TASP1: variants seen among roughly 807,000 people sequenced by gnomAD.
TASP1 encodes the protein threonine aspartase 1.
A neutral mutation model predicts 56.6 loss-of-function variants in TASP1; 16 were observed. The observed-to-expected ratio is 0.28, with a 90% confidence interval of 0.19 to 0.43. TASP1 has a LOEUF of 0.43. TASP1 is among the 20% of genes least tolerant of loss of function. The pLI is 1.00. For synonymous variants in TASP1, 179 were observed against 184.2 expected, an observed-to-expected ratio of 0.97 and a Z score of 0.23; for missense variants, 393 against 511.6, an observed-to-expected ratio of 0.77 and a Z score of 2.24.
intron 13 of TASP1, among the ~76,000 whole-genome samples, chr20:13,394,226 G>A (rs2041417373): frequency 6.9e-6 from 1 of 144,228 alleles, no homozygotes; most frequent in Non-Finnish European, 1.5e-5. Flanking sequence ...AGAGGTTGCA[G>A]TGAGCCAACC....
the TASP1 span, among the ~76,000 whole-genome samples, chr20:13,282,617 G>A: frequency 6.6e-6 from 1 of 152,092 alleles, no homozygotes; most frequent in Non-Finnish European, 1.5e-5. Flanking sequence ...GCATGCCTGG[G>A]CCATGGAGAA....
chr20:13,185,964 C>G, the TASP1 span, among the ~76,000 whole-genome samples: 1 of 152,134 alleles, frequency 6.6e-6, no homozygotes, highest in South Asian at 2.1e-4. Context: ...CAAACTGTGA[C>G]TCCAAAATCT....
At chr20:13,508,727 G>C (rs1262934692) in intron 10 of TASP1, among the ~76,000 whole-genome samples, 2 of 152,106 alleles carry the variant, frequency 1.3e-5, no homozygotes, top group African/African-American at 4.8e-5. Context: ...CCAATAGGTA[G>C]TTATATGAAA....
chr20:13,389,041 G>GA (rs2041187347), downstream of TASP1, among the ~76,000 whole-genome samples: 1 of 151,858 alleles, frequency 6.6e-6, no homozygotes, highest in South Asian at 2.1e-4. Context: ...AAAAAAAAAA[G>GA]AAAAAATCAA....
At chr20:13,287,649 G>T in the TASP1 span, among the ~76,000 whole-genome samples, 1 of 152,042 alleles carries the variant, frequency 6.6e-6, no homozygotes, top group Non-Finnish European at 1.5e-5. Context: ...TTCCTCCAAG[G>T]CAAGGATCTT....
intron 13 of TASP1, among the ~76,000 whole-genome samples, chr20:13,407,542 T>C (rs2041966717): frequency 6.6e-6 from 1 of 152,218 alleles, no homozygotes. Context: ...TAAGTATCTA[T>C]GCACAAGTTT....
chr20:13,635,304 T>C (rs2049262947), intron 1 of TASP1, among the ~76,000 whole-genome samples: 1 of 152,134 alleles, frequency 6.6e-6, no homozygotes, highest in Admixed American at 6.6e-5. Flanking sequence ...TCACCTGCTT[T>C]CCTTGGCAAC....
the TASP1 span, among the ~76,000 whole-genome samples, chr20:13,111,089 C>T: frequency 6.6e-6 from 1 of 152,018 alleles, no homozygotes; most frequent in East Asian, 1.9e-4. Flanking sequence ...GTGAATTCTC[C>T]CAACTCTAAA....
intron 12 of TASP1, among the ~76,000 whole-genome samples, chr20:13,425,472 C>A (rs1020950010): frequency 1.2e-4 from 19 of 152,136 alleles, no homozygotes; most frequent in Admixed American, 1.2e-3. Context: ...ATATTGTCCT[C>A]CAATTGTTGT....
chr20:13,431,575 CA>C (rs1051359407), intron 12 of TASP1, among the ~76,000 whole-genome samples: 11 of 152,014 alleles, frequency 7.2e-5, no homozygotes, highest in African/African-American at 2.7e-4. Flanking sequence ...ATCATAACAA[CA>C]ATGGTATTGT....
the TASP1 span, among the ~76,000 whole-genome samples, chr20:13,353,012 G>A: frequency 6.6e-6 from 1 of 152,076 alleles, no homozygotes; most frequent in African/African-American, 2.4e-5. Flanking sequence ...CAAGATGGGA[G>A]GATTGCTTGA....
the TASP1 span, among the ~76,000 whole-genome samples, chr20:13,118,322 T>C: frequency 1.2e-3 from 178 of 152,078 alleles, no homozygotes; most frequent in African/African-American, 4.0e-3. Context: ...GCATACACCA[T>C]AGGTCAAATC....
chr20:13,126,747 T>C, the TASP1 span: 3 of 1,611,698 alleles, frequency 1.9e-6, no homozygotes, highest in Admixed American at 3.3e-5. Context: ...GCACAGCTCC[T>C]GGACCTCTCT....
the TASP1 span, chr20:13,300,660 A>C: frequency 6.6e-6 from 1 of 152,252 alleles, no homozygotes; most frequent in Non-Finnish European, 1.5e-5. Flanking sequence ...TGTTACCTGC[A>C]TCCTTCATTT....
the TASP1 span, among the ~76,000 whole-genome samples, chr20:13,383,908 C>A: frequency 6.6e-6 from 1 of 152,158 alleles, no homozygotes; most frequent in Non-Finnish European, 1.5e-5. Flanking sequence ...ACAGATGACC[C>A]CCAGAGTTTT....
chr20:13,527,177 G>A (rs919220763), intron 10 of TASP1, among the ~76,000 whole-genome samples: 1 of 152,132 alleles, frequency 6.6e-6, no homozygotes, highest in Non-Finnish European at 1.5e-5. Context: ...ACAGGTCAGA[G>A]AGGCAGACAA....
the TASP1 span, chr20:13,292,469 ATT>A: frequency 6.4e-7 from 1 of 1,571,834 alleles, no homozygotes; most frequent in South Asian, 1.2e-5. Flanking sequence ...AGTTGGTAAG[ATT>A]TTTTTCTTTT....
chr20:13,268,344 CTTCCTCTCTCTCTCTCTCT>C, the TASP1 span, among the ~76,000 whole-genome samples: 1 of 55,884 alleles, frequency 1.8e-5, no homozygotes, highest in African/African-American at 7.4e-5. Context: ...TCTCCTTCTT[CTTCCTCTCTCTCTCTCTCT>C]CTCTCTCTCT....
chr20:13,255,756 A>G, the TASP1 span, among the ~76,000 whole-genome samples: 1 of 152,164 alleles, frequency 6.6e-6, no homozygotes, highest in Non-Finnish European at 1.5e-5. Flanking sequence ...CTCATCAGAC[A>G]TCTTTGCACC....
Sources: allele counts gnomAD v4.1 joint callset (sites outside exome capture counted in the v4.1 genomes callset), GRCh38; gene constraint gnomAD v4.1.1; transcripts MANE v1.5; gene names NCBI Gene and HGNC (gene_info 2026-07-23, HGNC 2026-07-21).